SPAG5: variants seen among roughly 807,000 people sequenced by gnomAD.
The protein encoded by SPAG5 is sperm associated antigen 5.
SPAG5 carries 99 observed loss-of-function variants against 145.4 expected under a neutral mutation model. The ratio of observed to expected loss-of-function variants is 0.68; its 90% CI spans 0.58 to 0.80. The LOEUF (loss-of-function observed/expected upper bound fraction) is 0.80, where lower values mean the gene tolerates loss of function less well. SPAG5 is among the 30% of genes least tolerant of loss of function. The pLI is 0.00. For missense variants in SPAG5, 1,192 were observed against 1,416.0 expected (o/e 0.84, Z 2.54); for synonymous variants, 477 against 525.4 (o/e 0.91, Z 1.26).
At chr17:28,597,043 C>T (rs529962610) in intron 2 of SPAG5, among the ~76,000 whole-genome samples, 1 of 151,904 alleles carries the variant, frequency 6.6e-6, no homozygotes, top group African/African-American at 2.4e-5. Flanking sequence ...GCCGAGATCG[C>T]GCCATTGGAC....
rs1283876643 is a variant in SPAG5 at position 28,598,699 on chromosome 17, C to A, written c.52-64G>T. On this transcript the variant is annotated intron_variant, in intron 1 of 23. Transcript: ENST00000321765. ...GCCTGGGTTCTGCCAGCCCGCCCCT[C>A]CTCCCTCCCTAAGAAGCCCAAAATG... The A allele has an allele frequency of 2.6e-6, 4 of 1,556,328 alleles. No homozygotes were observed. In the Admixed American group the frequency reaches 5.6e-5, roughly 22 times the overall value.
At position 28,598,500 on chromosome 17, in the gene SPAG5, C is replaced by A. The variant is rs776224056; in HGVS notation, c.177+10G>T. 16 of 1,612,612 alleles carry A rather than the reference C, an allele frequency of 9.9e-6. No individual in the cohort carries two copies. Among genetic ancestry groups the A allele is most frequent in the Non-Finnish European group, 1.3e-5 (15 of 1,179,712 alleles). On this transcript the variant is annotated intron_variant, in intron 2 of 23. Coordinates refer to ENST00000321765, the MANE Select transcript of SPAG5 (RefSeq NM_006461.4). ...CAGCCCAGTCGAGAAGCTGTCCAGG[C>A]GAATCTCACCTGCAGCCCCAGCTTG...
rs779213724 is a variant in SPAG5, at chr17:28,586,426, A to G, written c.1511T>C (p.Met504Thr). Residue 504 changes from methionine to threonine, a missense_variant and splice_region_variant, in exon 5 of 24, where the codon ATG becomes ACG. Met to Thr is a moderately conservative substitution (Grantham distance 81). Transcript: ENST00000321765. ...GGTGTAAGGTCAATCATCACTTACC[A>G]TGACATTTCTGGCCTGCTGTAGGGC... ...GQALQQARNV[M>T]QSWVLISKEL... 3 of 1,611,700 alleles carry G rather than the reference A, an allele frequency of 1.9e-6. No individual in the cohort carries two copies. Among genetic ancestry groups the G allele is most frequent in the South Asian group, 2.2e-5 (2 of 91,044 alleles).
chr17:28,592,912 G>C lies in SPAG5; in HGVS notation c.332C>G (p.Thr111Ser). 1 of 1,614,206 alleles carries C rather than the reference G, an allele frequency of 6.2e-7. No individual in the cohort carries two copies. ...PLDPIPQISS[T>S]PKTSEEAVDP... is the part of the protein sequence containing the mutation. Reference sequence around the variant, plus strand: ...TACTGCTTCCTCAGACGTTTTAGGAGTAGAGCTAATTTGGGGAATTGGATC... The same window carrying C: ...TACTGCTTCCTCAGACGTTTTAGGACTAGAGCTAATTTGGGGAATTGGATC... The change falls in exon 3 of 24, where the codon ACT (threonine) becomes AGT (serine). Residue 111 changes from threonine (T) to serine (S), a missense_variant. Physicochemically the swap from Thr to Ser is moderately conservative, Grantham distance 58. Around this residue, in one of 5 missense-constraint regions of SPAG5, gnomAD observed 329 missense variants for 354.0 expected, o/e 0.93. Coordinates refer to ENST00000321765, the MANE Select transcript of SPAG5 (RefSeq NM_006461.4).
At chr17:28,584,826 A>T in intron 10 of SPAG5, 81 bp from the exon 11 acceptor site, 1 of 1,134,110 alleles carries the variant, frequency 8.8e-7, no homozygotes, top group Non-Finnish European at 1.3e-6. Context: ...CTCTTTCTGG[A>T]CAAGACAGAA....
chr17:28,579,680 C>T, intron 17 of SPAG5, 71 bp downstream of exon 17: 4 of 1,477,650 alleles, frequency 2.7e-6, no homozygotes, highest in Non-Finnish European at 3.8e-6. Context: ...GCACTTCTCA[C>T]TGCTTTCGTC....
rs771517573 is a variant in SPAG5, at chr17:28,585,869, C to T, written c.1735G>A (p.Asp579Asn). The change falls in exon 7 of 24, where the codon GAT becomes AAT. Residue 579 changes from aspartate to asparagine, a missense_variant. Physicochemically the swap from Asp to Asn is conservative, Grantham distance 23. Transcript: ENST00000321765. ...HREEMALRGK[D>N]AAEIVLEAFC... Reference sequence around the variant, plus strand: ...ACAAATGCCTGTCACCTTACCGCATCCTTGCCTCTGAGAGCCATTTCCTCT... The same window carrying T: ...ACAAATGCCTGTCACCTTACCGCATTCTTGCCTCTGAGAGCCATTTCCTCT... 6 of 1,614,152 alleles carry T rather than the reference C, an allele frequency of 3.7e-6. No individual in the cohort carries two copies. The highest frequency in any genetic ancestry group is 5.1e-6 in the Non-Finnish European group (6 of 1,180,056).
Position 28,578,294 on chromosome 17 carries a change from T to C in SPAG5, c.3355-2A>G. 6.2e-7 allele frequency: 1 copy of C among 1,614,172 alleles called. No homozygotes were observed. The highest frequency in any genetic ancestry group is 8.5e-7 in the Non-Finnish European group (1 of 1,180,008). ...GAACATCACTCTCAGTTTGTCCACC[T>C]AGAAATATGTCCAGATCAACAGGGG... On this transcript the variant is annotated splice_acceptor_variant, in intron 21 of 23. Coordinates refer to ENST00000321765, the MANE Select transcript of SPAG5 (RefSeq NM_006461.4). LOFTEE classifies it high-confidence loss of function.
Position 28,584,249 on chromosome 17 carries a change from C to G in SPAG5, c.2313G>C (p.Trp771Cys), listed in dbSNP as rs747159056. 123 of 1,613,746 alleles carry G rather than the reference C, an allele frequency of 7.6e-5. No homozygotes were observed. The East Asian group carries it at 2.7e-3, about 36-fold the overall frequency. The stretch of plus-strand genomic sequence containing the variant: ...GTTTTAGTGCCATCTCTTCCTTTTG[C>G]CATCTGCCAGAGACAACATATTAGA... ...TQSNEEQAAQWQKEEMALKHM... is the reference protein window; with the variant it reads ...TQSNEEQAAQCQKEEMALKHM... Residue 771 changes from tryptophan to cysteine, a missense_variant, in exon 13 of 24, where the codon TGG becomes TGC. Physicochemically the swap from Trp to Cys is radical, Grantham distance 215 (BLOSUM62 -2). Coordinates refer to ENST00000321765, the MANE Select transcript of SPAG5 (RefSeq NM_006461.4).
In SPAG5 at chr17:28,592,703, T is replaced by C. The variant is rs1252955769; in HGVS notation, c.541A>G (p.Arg181Gly). The change falls in exon 3 of 24, where the codon AGG becomes GGG. Residue 181 changes from arginine (R) to glycine (G), a missense_variant. Coordinates refer to ENST00000321765, the MANE Select transcript of SPAG5 (RefSeq NM_006461.4). ...REEVAPCMGD[R>G]FSEVAAVSEK... is the part of the protein sequence containing the mutation. ...GATACAGCAGCAACTTCTGAAAACC[T>C]GTCTCCCATGCAGGGTGCCACCTCC... 7 of 1,614,090 alleles carry C rather than the reference T, an allele frequency of 4.3e-6. No homozygotes were observed. The highest frequency in any genetic ancestry group is 5.9e-6 in the Non-Finnish European group (7 of 1,180,054).
chr17:28,585,991 C>T lies in SPAG5; in HGVS notation c.1613G>A (p.Arg538His), dbSNP rs374597210. Residue 538 changes from arginine to histidine, a missense_variant, in exon 7 of 24, where the codon CGT (arginine) becomes CAT (histidine). Coordinates refer to ENST00000321765, the MANE Select transcript of SPAG5 (RefSeq NM_006461.4). ...DKTTVSQESR[R>H]AETLVCCCFD... ...ACAGCAACAGACCAATGTTTCTGCA[C>T]GCCGAGACTATATGGTAAGAATCAG... 6.8e-5 allele frequency: 109 copies of T among 1,614,082 alleles called. No individual in the cohort carries two copies. The highest frequency in any genetic ancestry group is 1.6e-4 in the Middle Eastern group (1 of 6,084).
At chr17:28,595,847 C>G (rs556052074) in intron 2 of SPAG5, among the ~76,000 whole-genome samples, 1 of 152,060 alleles carries the variant, frequency 6.6e-6, no homozygotes, top group South Asian at 2.1e-4. Flanking sequence ...AGTTCAAGAC[C>G]AGCCTGACCC....
chr17:28,584,824 G>A (rs1428861289), intron 10 of SPAG5, 79 bp from the exon 11 acceptor site: 10 of 1,142,690 alleles, frequency 8.8e-6, no homozygotes, highest in Non-Finnish European at 1.3e-5. Flanking sequence ...TTCTCTTTCT[G>A]GACAAGACAG....
In SPAG5 at chr17:28,579,252, A is replaced by G. The variant is rs1193637035; in HGVS notation, c.3006T>C (p.Ile1002=). ...EEAIRTLQRK[I]CELQARLQAQ... Reference sequence around the variant, plus strand: ...CCTGCAGCCTAGCTTGCAGCTCACAACTGAAGGAAGGAAGAATTTAGCAAC... The same window carrying G: ...CCTGCAGCCTAGCTTGCAGCTCACAGCTGAAGGAAGGAAGAATTTAGCAAC... Residue 1002 remains isoleucine (I), a splice_region_variant and synonymous_variant, in exon 19 of 24, where the codon ATT becomes ATC. Coordinates refer to ENST00000321765, the MANE Select transcript of SPAG5 (RefSeq NM_006461.4). The G allele has an allele frequency of 3.7e-6, 6 of 1,614,118 alleles. No individual in the cohort carries two copies. Among genetic ancestry groups the G allele is most frequent in the Non-Finnish European group, 3.4e-6 (4 of 1,179,998 alleles).
At chr17:28,583,683 C>A (rs1567623843) in intron 14 of SPAG5, 34 bp from the exon 15 acceptor site, 2 of 1,573,754 alleles carry the variant, frequency 1.3e-6, no homozygotes, top group South Asian at 1.2e-5. Context: ...GACCAAAGAC[C>A]AAATTACCTT....
In SPAG5 at chr17:28,578,725, G is replaced by A. The variant is rs974126992; in HGVS notation, c.3145C>T (p.Gln1049Ter). Residue 1049 changes from glutamine to a stop codon, truncating the protein, a stop_gained, in exon 20 of 24, where the codon CAG becomes TAG. Transcript: ENST00000321765. LOFTEE classifies it high-confidence loss of function. ...TCTAGGATCTTCTCATTCTGCTGCT[G>A]TATCACTTCCTGGAGCTCCTTTTCA... The part of the protein sequence containing the change: ...KNEKELQEVI[Q>*]QQNEKILEQI... 3 of 1,613,942 alleles carry A rather than the reference G, an allele frequency of 1.9e-6. No homozygotes were observed. Among genetic ancestry groups the A allele is most frequent in the Non-Finnish European group, 2.5e-6 (3 of 1,179,846 alleles).
In SPAG5 at chr17:28,583,929, A is replaced by G. The variant is rs998003812; in HGVS notation, c.2470T>C (p.Leu824=). The change falls in exon 14 of 24, where the codon TTG becomes CTG. Residue 824 remains leucine, a synonymous_variant. Transcript: ENST00000321765. ...HLELGQVECQ[L]KTTLEVLRER... ...CGGAGCACTTCCAGTGTGGTTTTCAATTGACACTCAACCTGACCCAGCTCC... is the reference window on the plus strand; with the variant it reads ...CGGAGCACTTCCAGTGTGGTTTTCAGTTGACACTCAACCTGACCCAGCTCC... 2.5e-6 allele frequency: 4 copies of G among 1,614,138 alleles called. No individual in the cohort carries two copies. In the Admixed American group the frequency reaches 6.7e-5, roughly 27 times the overall value.
Position 28,578,740 on chromosome 17 carries a change from G to A in SPAG5, c.3130C>T (p.Leu1044Phe), listed in dbSNP as rs201191997. ...LCLRYKNEKE[L>F]QEVIQQQNEK... ...TTCTGCTGCTGTATCACTTCCTGGA[G>A]CTCCTTTTCATTCTGTGAGGGAAAG... The change falls in exon 20 of 24, where the codon CTC becomes TTC. Residue 1044 changes from leucine (L) to phenylalanine (F), a missense_variant. Leu to Phe is a conservative substitution (Grantham distance 22). This residue lies in a region of SPAG5 where 709 missense variants were observed against 840.7 expected (regional missense o/e 0.84). Transcript: ENST00000321765. 66 of 1,613,670 alleles carry A rather than the reference G, an allele frequency of 4.1e-5. No individual in the cohort carries two copies. The East Asian group carries it at 1.4e-3, about 33-fold the overall frequency.
At chr17:28,595,237 G>A (rs1209248724) in intron 2 of SPAG5, among the ~76,000 whole-genome samples, 6 of 135,990 alleles carry the variant, frequency 4.4e-5, no homozygotes, top group South Asian at 2.3e-4. Flanking sequence ...CAATCTGGGC[G>A]ATACAACAAG....
Sources: allele counts gnomAD v4.1 joint callset (sites outside exome capture counted in the v4.1 genomes callset), GRCh38; gene constraint gnomAD v4.1.1; regional missense constraint gnomAD v4.1.1; transcripts MANE v1.5; gene names NCBI Gene and HGNC (gene_info 2026-07-23, HGNC 2026-07-21).